Variants in PTPRZ1 observed in about 807,000 individuals in gnomAD.
PTPRZ1 encodes the protein receptor-type tyrosine-protein phosphatase zeta.
A neutral mutation model predicts 214.1 loss-of-function variants in PTPRZ1; 82 were observed. That is an observed-to-expected ratio of 0.38 (90% CI 0.32 to 0.46). The LOEUF (loss-of-function observed/expected upper bound fraction) is 0.46, where lower values mean the gene tolerates loss of function less well. PTPRZ1 is among the 20% of genes least tolerant of loss of function. The pLI is 1.00. For synonymous variants in PTPRZ1, 945 were observed against 987.9 expected (o/e 0.96, Z 0.81); for missense variants, 2,603 against 2,748.7 (o/e 0.95, Z 1.19).
In PTPRZ1 at chr7:121,984,764, G is replaced by T. The variant is rs79570053; in HGVS notation, c.928+647G>T. ...ACAGCCAAGGGAAATGACACCAGAG[G>T]GGTGTCTCTAGAATGCCGTCTGTTT... On this transcript the variant is annotated intron_variant, in intron 8 of 29. Coordinates refer to ENST00000393386, the MANE Select transcript of PTPRZ1 (RefSeq NM_002851.3). 1.3e-3 allele frequency among the ~76,000 whole-genome samples: 197 copies of T among 151,932 alleles called. 3 individuals are homozygous for T. The East Asian group carries it at 0.026, about 20-fold the overall frequency.
intron 1 of PTPRZ1, among the ~76,000 whole-genome samples, chr7:121,920,842 T>TA (rs1563018259): frequency 6.6e-6 from 1 of 152,186 alleles, no homozygotes; most frequent in African/African-American, 2.4e-5. Flanking sequence ...TTAAGTGAAC[T>TA]GTTATGATGC....
chr7:121,882,727 CAG>C (rs1486887193), intron 1 of PTPRZ1, among the ~76,000 whole-genome samples: 2 of 152,090 alleles, frequency 1.3e-5, no homozygotes, highest in African/African-American at 4.8e-5. Flanking sequence ...CCGAGGGAGA[CAG>C]GGAATCAGGA....
At chr7:121,877,634 C>A (rs1177755006) in intron 1 of PTPRZ1, among the ~76,000 whole-genome samples, 1 of 152,138 alleles carries the variant, frequency 6.6e-6, no homozygotes, top group Admixed American at 6.5e-5. Context: ...ATGCTAGGCG[C>A]TGATAATTCA....
chr7:122,041,745 A>G (rs1164721516), intron 21 of PTPRZ1, among the ~76,000 whole-genome samples: 1 of 152,236 alleles, frequency 6.6e-6, no homozygotes, highest in Non-Finnish European at 1.5e-5. Flanking sequence ...GTGTTTTTAG[A>G]GAATCAAGTG....
chr7:121,970,802 T>C (rs1344194430), intron 3 of PTPRZ1, among the ~76,000 whole-genome samples: 1 of 152,206 alleles, frequency 6.6e-6, no homozygotes, highest in African/African-American at 2.4e-5. Context: ...AGCTCTTTAG[T>C]TTAATTAGAT....
chr7:122,011,262 C>T lies in PTPRZ1; in HGVS notation c.2216C>T (p.Ser739Phe). The T allele has an allele frequency of 1.9e-6, 3 of 1,614,012 alleles. No homozygotes were observed. Among genetic ancestry groups the T allele is most frequent in the Non-Finnish European group, 2.5e-6 (3 of 1,179,980 alleles). The change falls in exon 12 of 30, where the codon TCC (serine) becomes TTC (phenylalanine). Residue 739 changes from serine (S) to phenylalanine (F), a missense_variant. Ser to Phe is a radical substitution (Grantham distance 155). Coordinates refer to ENST00000393386, the MANE Select transcript of PTPRZ1 (RefSeq NM_002851.3). Reference protein sequence around the residue: ...TPSSRQQDLVSTVNVVYSQTT... With the variant: ...TPSSRQQDLVFTVNVVYSQTT... ...TCCTCCAGACAACAGGATTTGGTCT[C>T]CACGGTCAACGTGGTATACTCGCAG...
intron 10 of PTPRZ1, among the ~76,000 whole-genome samples, chr7:121,998,497 G>A (rs1052620523): frequency 1.1e-4 from 16 of 151,996 alleles, no homozygotes; most frequent in Non-Finnish European, 1.2e-4. Context: ...TTGGTTATGG[G>A]GAGTGGGGTG....
intron 1 of PTPRZ1, among the ~76,000 whole-genome samples, chr7:121,914,448 G>A (rs1025211099): frequency 7.2e-5 from 11 of 152,104 alleles, no homozygotes; most frequent in African/African-American, 1.9e-4. Context: ...GTCCTCAAAC[G>A]TAAACTTCTG....
chr7:122,029,707 T>G (rs1003712225), intron 14 of PTPRZ1, among the ~76,000 whole-genome samples: 11 of 151,746 alleles, frequency 7.2e-5, no homozygotes, highest in African/African-American at 2.7e-4. Context: ...AAACATTTTA[T>G]TTATATTTTA....
intron 1 of PTPRZ1, among the ~76,000 whole-genome samples, chr7:121,882,143 G>C (rs1041310281): frequency 1.3e-5 from 2 of 152,124 alleles, no homozygotes; most frequent in Non-Finnish European, 2.9e-5. Flanking sequence ...ATACTTATTA[G>C]TGATGATGCA....
intron 6 of PTPRZ1, among the ~76,000 whole-genome samples, chr7:121,977,714 T>A (rs907902726): frequency 4.1e-4 from 63 of 151,996 alleles, no homozygotes; most frequent in Middle Eastern, 3.4e-3. Flanking sequence ...CTTTTATTTT[T>A]TTTTTTTTTT....
At position 122,010,610 on chromosome 7, in the gene PTPRZ1, A is replaced by C. The variant is rs1163152972; in HGVS notation, c.1564A>C (p.Thr522Pro). Reference sequence around the variant, plus strand: ...AAAAGATATTTCCTTGACTTCTCAGACTGTGACTGAACTGCCACCTCACAC... The same window carrying C: ...AAAAGATATTTCCTTGACTTCTCAGCCTGTGACTGAACTGCCACCTCACAC... ...TEKDISLTSQ[T>P]VTELPPHTVE... Residue 522 changes from threonine (T) to proline (P), a missense_variant, in exon 12 of 30, where the codon ACT (threonine) becomes CCT (proline). Around this residue, in one of 6 missense-constraint regions of PTPRZ1, gnomAD observed 1,913 missense variants for 1,914.3 expected, o/e 1.00. Coordinates refer to ENST00000393386, the MANE Select transcript of PTPRZ1 (RefSeq NM_002851.3). 6.2e-7 allele frequency: 1 copy of C among 1,613,730 alleles called. No homozygotes were observed. The highest frequency in any genetic ancestry group is 8.5e-7 in the Non-Finnish European group (1 of 1,179,590).
chr7:121,893,135 A>G (rs1458468265), intron 1 of PTPRZ1, among the ~76,000 whole-genome samples: 3 of 152,124 alleles, frequency 2.0e-5, no homozygotes, highest in Non-Finnish European at 2.9e-5. Flanking sequence ...ATTGCCCTAT[A>G]CAAATGGCTT....
chr7:121,906,142 A>T (rs994459889), intron 1 of PTPRZ1, among the ~76,000 whole-genome samples: 10 of 152,190 alleles, frequency 6.6e-5, no homozygotes, highest in Non-Finnish European at 1.3e-4. Context: ...CTTAGAACTT[A>T]GCCTAGTGGT....
intron 2 of PTPRZ1, among the ~76,000 whole-genome samples, chr7:121,931,743 T>G (rs1795932716): frequency 6.6e-6 from 1 of 152,196 alleles, no homozygotes; most frequent in Non-Finnish European, 1.5e-5. Context: ...GGGCTGAGTA[T>G]AGACACAGCA....
At chr7:121,926,169 G>T (rs1795753053) in intron 1 of PTPRZ1, among the ~76,000 whole-genome samples, 1 of 151,942 alleles carries the variant, frequency 6.6e-6, no homozygotes, top group African/African-American at 2.4e-5. Context: ...GCCAGGCGTG[G>T]TGGCATGCGC....
At chr7:121,943,149 A>T (rs921247614) in intron 2 of PTPRZ1, among the ~76,000 whole-genome samples, 2 of 152,194 alleles carry the variant, frequency 1.3e-5, no homozygotes, top group African/African-American at 4.8e-5. Context: ...TCCTATGACT[A>T]TCTTTACAAG....
intron 22 of PTPRZ1, 75 bp downstream of exon 22, chr7:122,042,818 C>G: frequency 6.8e-7 from 1 of 1,465,828 alleles, no homozygotes; most frequent in Non-Finnish European, 9.4e-7. Context: ...TATTCATCTC[C>G]TAGGACTGCA....
chr7:122,037,235 TCTGCACTCCAGC>T lies in PTPRZ1; in HGVS notation c.5367+557_5367+568del, dbSNP rs535155610. ...GTTTGCAGTGAGCCGAGATCGCACT[TCTGCACTCCAGC>T]CTGGGCAACAGAGTGAGACTCCGTC... On this transcript the variant is annotated intron_variant, in intron 18 of 29. Transcript: ENST00000393386. 4.0e-3 allele frequency among the ~76,000 whole-genome samples: 592 copies of T among 148,978 alleles called. 4 individuals are homozygous for T. Among genetic ancestry groups the T allele is most frequent in the African/African-American group, 0.014 (562 of 40,380 alleles).
Sources: allele counts gnomAD v4.1 joint callset (sites outside exome capture counted in the v4.1 genomes callset), GRCh38; gene constraint gnomAD v4.1.1; regional missense constraint gnomAD v4.1.1; transcripts MANE v1.5; gene names NCBI Gene and HGNC (gene_info 2026-07-23, HGNC 2026-07-21).